The following PDE4D variants were observed in gnomAD, a reference collection of about 807,000 sequenced individuals.
PDE4D encodes 3',5'-cyclic-AMP phosphodiesterase 4D.
PDE4D carries 24 observed loss-of-function variants against 87.4 expected under a neutral mutation model. The ratio of observed to expected loss-of-function variants is 0.27; its 90% CI spans 0.20 to 0.39. The LOEUF is 0.39. Among genes scored for constraint, PDE4D ranks in the 10% least tolerant of loss-of-function variants. The probability of loss-of-function intolerance (pLI) is 1.00; values close to 1 mark genes in which losing one functional copy is unlikely to be tolerated. For missense variants in PDE4D, 714 were observed against 1,041.0 expected (o/e 0.69, Z 4.32); for synonymous variants, 384 against 383.2 (o/e 1.00, Z -0.02).
intron 5 of PDE4D, among the ~76,000 whole-genome samples, chr5:59,072,603 A>G (rs1765029528): frequency 6.6e-6 from 1 of 151,912 alleles, no homozygotes; most frequent in African/African-American, 2.4e-5. Context: ...CTCCCTTCCC[A>G]CTTTCTTTGT....
chr5:59,149,998 T>C (rs1421488523), intron 5 of PDE4D, among the ~76,000 whole-genome samples: 1 of 152,192 alleles, frequency 6.6e-6, no homozygotes, highest in Non-Finnish European at 1.5e-5. Context: ...TTTGAATGAA[T>C]ATTTTGGAAA....
chr5:60,257,081 A>T (rs902846618), intron 1 of PDE4D, among the ~76,000 whole-genome samples: 1 of 151,824 alleles, frequency 6.6e-6, no homozygotes, highest in African/African-American at 2.4e-5. Flanking sequence ...TATCTCAATA[A>T]AGCTATTTTT....
intron 5 of PDE4D, among the ~76,000 whole-genome samples, chr5:59,168,822 C>A (rs890742223): frequency 6.6e-6 from 1 of 152,164 alleles, no homozygotes; most frequent in Non-Finnish European, 1.5e-5. Context: ...GACATTCTCC[C>A]TCTGAGTCAA....
intron 1 of PDE4D, among the ~76,000 whole-genome samples, chr5:60,251,279 G>A (rs1304666420): frequency 6.6e-6 from 1 of 151,414 alleles, no homozygotes; most frequent in East Asian, 2.0e-4. Flanking sequence ...ATGTCATGGG[G>A]GTTTGGTGTA....
intron 1 of PDE4D, among the ~76,000 whole-genome samples, chr5:59,239,056 G>A (rs568683845): frequency 6.6e-6 from 1 of 152,278 alleles, no homozygotes; most frequent in African/African-American, 2.4e-5. Context: ...ATGGGAGAGG[G>A]ATGACAGAAG....
intron 1 of PDE4D, among the ~76,000 whole-genome samples, chr5:60,368,840 A>G (rs1039387339): frequency 3.9e-5 from 6 of 151,924 alleles, no homozygotes; most frequent in Non-Finnish European, 8.8e-5. Context: ...GCCTTCCACT[A>G]TGATTGTAAG....
chr5:59,489,556 A>G (rs546848483), intron 1 of PDE4D, among the ~76,000 whole-genome samples: 2 of 152,340 alleles, frequency 1.3e-5, no homozygotes, highest in South Asian at 4.1e-4. Context: ...TGGAAAATAC[A>G]GAATTGTTTG....
chr5:59,010,303 G>A (rs1275630958), intron 6 of PDE4D, among the ~76,000 whole-genome samples: 2 of 152,030 alleles, frequency 1.3e-5, no homozygotes, highest in African/African-American at 4.8e-5. Context: ...CTCCAGCCGG[G>A]GTGACAGAGA....
At chr5:60,421,663 G>A (rs1290586786) in intron 1 of PDE4D, among the ~76,000 whole-genome samples, 3 of 152,178 alleles carry the variant, frequency 2.0e-5, no homozygotes, top group Admixed American at 2.0e-4. Context: ...CTCCTCACGA[G>A]CTATGGAACA....
At chr5:59,275,825 A>AAATGACC in intron 1 of PDE4D, 1 of 986,660 alleles carries the variant, frequency 1.0e-6, no homozygotes, top group Non-Finnish European at 1.2e-6. Flanking sequence ...GAGAAAAAGA[A>AAATGACC]AATGACCGGG....
At chr5:60,353,249 G>A (rs1759349000) in intron 1 of PDE4D, among the ~76,000 whole-genome samples, 2 of 152,140 alleles carry the variant, frequency 1.3e-5, no homozygotes, top group African/African-American at 2.4e-5. Flanking sequence ...GGAAGCCAGC[G>A]GATCACTAAC....
At chr5:59,489,148 G>A (rs1221605540) in intron 1 of PDE4D, among the ~76,000 whole-genome samples, 2 of 151,638 alleles carry the variant, frequency 1.3e-5, no homozygotes, top group African/African-American at 4.8e-5. Flanking sequence ...AGCTGAGTGT[G>A]GTAGTACTCA....
chr5:59,225,111 C>T (rs1753462067), intron 1 of PDE4D, among the ~76,000 whole-genome samples: 1 of 152,138 alleles, frequency 6.6e-6, no homozygotes, highest in African/African-American at 2.4e-5. Context: ...TGAAATTTTC[C>T]CCCTAAATTT....
chr5:59,171,785 T>C (rs1026169391), intron 5 of PDE4D, among the ~76,000 whole-genome samples: 3 of 135,804 alleles, frequency 2.2e-5, no homozygotes, highest in African/African-American at 8.3e-5. Flanking sequence ...TGAATACATA[T>C]TCATATATAT....
At chr5:60,362,390 C>A (rs532254518) in intron 1 of PDE4D, among the ~76,000 whole-genome samples, 2 of 152,212 alleles carry the variant, frequency 1.3e-5, no homozygotes, top group Non-Finnish European at 2.9e-5. Context: ...CATATTTTTC[C>A]ATCAAGATGA....
intron 2 of PDE4D, among the ~76,000 whole-genome samples, chr5:60,012,431 G>A (rs530080017): frequency 6.0e-4 from 92 of 152,230 alleles, no homozygotes; most frequent in African/African-American, 2.1e-3. Flanking sequence ...GACTTTATAA[G>A]AGAGCATAAG....
In PDE4D at chr5:60,145,952, G is replaced by A. The variant is rs530349279; in HGVS notation, c.42+39605C>T. ...GAGGAGTCTGGGTGTGGTGGCGCAC[G>A]CCTGTAATCTCAGCACTTTGGGAAG... On this transcript the variant is annotated intron_variant, in intron 2 of 16. Coordinates refer to the PDE4D transcript ENST00000502484. Among the ~76,000 whole-genome samples the A allele has an allele frequency of 6.6e-5, 10 of 152,268 alleles. No individual in the cohort carries two copies. In the South Asian group the frequency reaches 1.2e-3, roughly 19 times the overall value.
At chr5:59,577,955 T>G (rs1823449883) in intron 1 of PDE4D, among the ~76,000 whole-genome samples, 1 of 152,196 alleles carries the variant, frequency 6.6e-6, no homozygotes, top group South Asian at 2.1e-4. Flanking sequence ...GTTAAAGTCA[T>G]ATTATGTTTC....
At chr5:59,153,816 A>G (rs1779790466) in intron 5 of PDE4D, among the ~76,000 whole-genome samples, 1 of 151,764 alleles carries the variant, frequency 6.6e-6, no homozygotes, top group Non-Finnish European at 1.5e-5. Flanking sequence ...TTTTAGAGCA[A>G]TTTCATTAGG....
Sources: allele counts gnomAD v4.1 joint callset (sites outside exome capture counted in the v4.1 genomes callset), GRCh38; gene constraint gnomAD v4.1.1; transcripts MANE v1.5; gene names NCBI Gene and HGNC (gene_info 2026-07-23, HGNC 2026-07-21).